UMAD1: variants seen among roughly 807,000 people sequenced by gnomAD.
The protein encoded by UMAD1 is UBAP1-MVB12-associated (UMA)-domain containing protein 1.
UMAD1 carries 8 observed loss-of-function variants against 6.1 expected under a neutral mutation model. The observed-to-expected ratio is 1.30, with a 90% CI of 0.76 to 2.35. UMAD1 has a LOEUF of 2.35. UMAD1 is among the 30% of genes most tolerant of loss of function. The pLI is 0.00. For missense variants in UMAD1, 130 were observed against 78.4 expected (o/e 1.66, Z -2.49); for synonymous variants, 56 against 31.4 (o/e 1.78, Z -2.61).
At chr7:7,727,887 A>G (rs1174195438) in intron 2 of UMAD1, among the ~76,000 whole-genome samples, 2 of 152,064 alleles carry the variant, frequency 1.3e-5, no homozygotes, top group Admixed American at 1.3e-4. Context: ...CTCTCTTTAT[A>G]TATGATTGTG....
At chr7:7,746,442 C>T (rs1021641487) in intron 2 of UMAD1, among the ~76,000 whole-genome samples, 1 of 152,202 alleles carries the variant, frequency 6.6e-6, no homozygotes, top group African/African-American at 2.4e-5. Context: ...TATCCCCAGC[C>T]TTTTCATTAG....
intron 1 of UMAD1, among the ~76,000 whole-genome samples, chr7:7,667,150 C>T (rs542334310): frequency 3.4e-4 from 52 of 152,220 alleles, no homozygotes; most frequent in African/African-American, 1.2e-3. Context: ...AGAGGTAGCT[C>T]CAGGATCCCT....
intron 3 of UMAD1, among the ~76,000 whole-genome samples, chr7:7,847,096 A>ATAAAT (rs1299366202): frequency 2.0e-5 from 1 of 50,038 alleles, no homozygotes; most frequent in African/African-American, 1.4e-4. Context: ...GCAAAAAAAA[A>ATAAAT]AAAAAAAAAT....
rs1355982529 is a variant in UMAD1, at chr7:7,796,327, C to T, written c.83-5343C>T. 2.0e-4 allele frequency among the ~76,000 whole-genome samples: 28 copies of T among 142,644 alleles called. No homozygotes were observed. In the Admixed American group the frequency reaches 2.0e-3, roughly 10 times the overall value. The allele number at this position is 142,644 out of a possible 152,430, so 93.6% of individuals were successfully genotyped here. A position where few individuals can be genotyped will look rare whatever the true frequency, so the allele number is the denominator to read the frequency against. ...AGTGCAATGGCATAATCTCGGCTCA[C>T]CACAACCTCCGCCTCCCAGGTTCAA... On this transcript the variant is annotated intron_variant, in intron 2 of 3. Transcript: ENST00000682710.
At chr7:7,784,888 G>T (rs931245225) in intron 2 of UMAD1, among the ~76,000 whole-genome samples, 4 of 147,978 alleles carry the variant, frequency 2.7e-5, no homozygotes, top group African/African-American at 5.0e-5. Flanking sequence ...TCAGCCTCCC[G>T]AGTAGCTGGG....
intron 1 of UMAD1, chr7:7,641,321 A>ACC (rs1784968399): frequency 6.6e-6 from 1 of 152,154 alleles, no homozygotes; most frequent in Non-Finnish European, 1.5e-5. Flanking sequence ...AACGGGGAAG[A>ACC]ACCACTGGCC....
chr7:7,794,550 C>G (rs187176969), intron 2 of UMAD1, among the ~76,000 whole-genome samples: 225 of 152,192 alleles, frequency 1.5e-3, no homozygotes, highest in Non-Finnish European at 2.7e-3. Flanking sequence ...ATACCCCCTC[C>G]CTTTTGGAGT....
chr7:7,801,676 C>T lies in UMAD1; in HGVS notation c.89C>T (p.Thr30Ile), dbSNP rs1263110378. 2 of 717,890 alleles carry T rather than the reference C, an allele frequency of 2.8e-6. No homozygotes were observed. Among genetic ancestry groups the T allele is most frequent in the Non-Finnish European group, 5.2e-6 (2 of 385,162 alleles). 44.5% of individuals were successfully genotyped at this position (717,890 alleles called of 1,614,324 possible). ...CATATATTTTACTTCATAGGAGATA[C>T]AACAGATGAGCAAAGAATGACAGCA... ...EADGFVLLGD[T>I]TDEQRMTARG... The change falls in exon 3 of 4, where the codon ACA becomes ATA. Residue 30 changes from threonine to isoleucine, a missense_variant. Transcript: ENST00000682710.
intron 2 of UMAD1, among the ~76,000 whole-genome samples, chr7:7,764,020 T>G (rs1234855296): frequency 6.6e-6 from 1 of 152,198 alleles, no homozygotes; most frequent in African/African-American, 2.4e-5. Flanking sequence ...ATAGTGAGAT[T>G]CAGCCTAAGA....
intron 2 of UMAD1, among the ~76,000 whole-genome samples, chr7:7,781,125 G>A (rs998932492): frequency 2.0e-5 from 3 of 152,112 alleles, no homozygotes; most frequent in Non-Finnish European, 4.4e-5. Context: ...TTACTTTCCT[G>A]CTGGCACAGT....
At chr7:7,729,480 A>G (rs1781206063) in intron 2 of UMAD1, among the ~76,000 whole-genome samples, 2 of 152,194 alleles carry the variant, frequency 1.3e-5, no homozygotes, top group Non-Finnish European at 2.9e-5. Context: ...TTCTGTGATT[A>G]GGGTGCCAGT....
intron 2 of UMAD1, among the ~76,000 whole-genome samples, chr7:7,728,631 G>T (rs1781189144): frequency 6.7e-6 from 1 of 148,208 alleles, no homozygotes; most frequent in African/African-American, 2.5e-5. Flanking sequence ...GTGACAGAGT[G>T]AGACTCCATC....
At chr7:7,780,596 C>G (rs1470470137) in intron 2 of UMAD1, among the ~76,000 whole-genome samples, 1 of 152,080 alleles carries the variant, frequency 6.6e-6, no homozygotes, top group Non-Finnish European at 1.5e-5. Context: ...TTGCAGAATC[C>G]TAGAATCTCC....
chr7:7,663,804 G>C (rs901607467), intron 1 of UMAD1, among the ~76,000 whole-genome samples: 3 of 152,128 alleles, frequency 2.0e-5, no homozygotes, highest in African/African-American at 7.2e-5. Flanking sequence ...CATTTTTATG[G>C]ATAGGAATTA....
At chr7:7,870,246 C>T (rs554595713) in intron 3 of UMAD1, among the ~76,000 whole-genome samples, 5 of 152,146 alleles carry the variant, frequency 3.3e-5, no homozygotes, top group South Asian at 2.1e-4. Context: ...AAATCTGACA[C>T]GGTATGCTCA....
At chr7:7,852,207 T>C (rs1202581966) in intron 3 of UMAD1, among the ~76,000 whole-genome samples, 1 of 152,202 alleles carries the variant, frequency 6.6e-6, no homozygotes, top group Non-Finnish European at 1.5e-5. Context: ...TTCTGGATGT[T>C]TGGAAAAACT....
At chr7:7,646,390 A>T (rs141429534) in intron 1 of UMAD1, among the ~76,000 whole-genome samples, 5,500 of 151,616 alleles carry the variant, frequency 0.036, 350 homozygotes, top group African/African-American at 0.13. Flanking sequence ...TAACTGAATC[A>T]TGGGGACAGT....
chr7:7,662,388 G>A (rs949554785), intron 1 of UMAD1, among the ~76,000 whole-genome samples: 3 of 152,144 alleles, frequency 2.0e-5, no homozygotes, highest in African/African-American at 4.8e-5. Flanking sequence ...CAGCTAGCTC[G>A]ATGTCTGCCT....
intron 2 of UMAD1, among the ~76,000 whole-genome samples, chr7:7,723,550 C>G (rs186962760): frequency 6.6e-6 from 1 of 152,262 alleles, no homozygotes; most frequent in South Asian, 2.1e-4. Context: ...ACCTACTCTT[C>G]CCAGCTGGGA....
Sources: gnomAD v4.1 joint callset for allele counts (sites outside exome capture counted in the v4.1 genomes callset) on GRCh38, gnomAD v4.1.1 for gene constraint, MANE v1.5 for transcripts, NCBI Gene and HGNC (gene_info 2026-07-23, HGNC 2026-07-21) for gene names.